Variants in ROBO2 observed in about 807,000 individuals in gnomAD.
The protein encoded by ROBO2 is roundabout homolog 2.
A neutral mutation model predicts 160.8 loss-of-function variants in ROBO2; 53 were observed. That is an observed-to-expected ratio of 0.33 (90% confidence interval 0.26 to 0.41). ROBO2 has a LOEUF of 0.41. Ranked by LOEUF, ROBO2 falls within the 10% of genes least tolerant of loss-of-function variation. The pLI is 1.00. For synonymous variants in ROBO2, 664 were observed against 611.7 expected (o/e 1.09, Z -1.26); for missense variants, 1,577 against 1,722.4 (o/e 0.92, Z 1.49).
intron 2 of ROBO2, among the ~76,000 whole-genome samples, chr3:76,281,880 A>T (rs1708251713): frequency 6.6e-6 from 1 of 151,922 alleles, no homozygotes; most frequent in Non-Finnish European, 1.5e-5. Flanking sequence ...TGACCCAAAG[A>T]TCCAAAGATA....
At chr3:76,251,910 A>G (rs6809170) in intron 2 of ROBO2, among the ~76,000 whole-genome samples, 140,330 of 152,106 alleles carry the variant, frequency 0.92, 64,896 homozygotes, top group Middle Eastern at 0.98. Context: ...TGAAATGGCT[A>G]TGAACATCAC....
chr3:76,996,953 T>C (rs1431337334), intron 2 of ROBO2, among the ~76,000 whole-genome samples: 1 of 152,164 alleles, frequency 6.6e-6, no homozygotes, highest in Non-Finnish European at 1.5e-5. Context: ...ATTACAGATC[T>C]GCTTATTGTC....
chr3:76,289,762 G>C (rs1276221360), intron 2 of ROBO2, among the ~76,000 whole-genome samples: 1 of 152,034 alleles, frequency 6.6e-6, no homozygotes, highest in Non-Finnish European at 1.5e-5. Context: ...TTTCCCCATT[G>C]GTTGTTATTA....
At chr3:77,404,265 A>G (rs1051955815) in intron 2 of ROBO2, among the ~76,000 whole-genome samples, 1 of 152,166 alleles carries the variant, frequency 6.6e-6, no homozygotes, top group African/African-American at 2.4e-5. Flanking sequence ...GTGTGTGTGT[A>G]TTTGTAGGAT....
chr3:76,835,133 C>T (rs927513368), intron 2 of ROBO2, among the ~76,000 whole-genome samples: 1 of 151,810 alleles, frequency 6.6e-6, no homozygotes, highest in African/African-American at 2.4e-5. Context: ...GTCACATTCC[C>T]TTGCTAGTAA....
At chr3:76,461,448 T>C (rs1011633331) in intron 2 of ROBO2, among the ~76,000 whole-genome samples, 2 of 152,160 alleles carry the variant, frequency 1.3e-5, no homozygotes, top group Admixed American at 1.3e-4. Context: ...AGGAAAATTA[T>C]GATGAAAATA....
At chr3:77,009,826 A>T (rs1200179431) in intron 2 of ROBO2, among the ~76,000 whole-genome samples, 2 of 151,576 alleles carry the variant, frequency 1.3e-5, no homozygotes, top group African/African-American at 2.4e-5. Flanking sequence ...GGTTCCTGTC[A>T]TCTCAGATAC....
intron 15 of ROBO2, 101 bp downstream of exon 16, chr3:77,577,715 T>C (rs1489875887): frequency 6.5e-6 from 9 of 1,389,342 alleles, no homozygotes; most frequent in Non-Finnish European, 9.1e-6. Flanking sequence ...TCTTATTCAG[T>C]TTAAGTGTAA....
At chr3:76,344,549 G>A (rs1051461268) in intron 2 of ROBO2, among the ~76,000 whole-genome samples, 3 of 152,126 alleles carry the variant, frequency 2.0e-5, no homozygotes, top group South Asian at 2.1e-4. Flanking sequence ...GGAGTTATTT[G>A]TAGTAGTCTA....
At chr3:76,770,295 C>T (rs1253066991) in intron 2 of ROBO2, among the ~76,000 whole-genome samples, 1 of 151,256 alleles carries the variant, frequency 6.6e-6, no homozygotes, top group Non-Finnish European at 1.5e-5. Context: ...CATAGTCTCT[C>T]CTCTCTCCTT....
At chr3:76,297,681 T>G (rs1709143940) in intron 2 of ROBO2, among the ~76,000 whole-genome samples, 1 of 116,390 alleles carries the variant, frequency 8.6e-6, no homozygotes, top group Non-Finnish European at 1.8e-5. Context: ...TCAAAGTACT[T>G]GGAGAAGAAG....
At chr3:76,642,375 C>T (rs1285259760) in intron 2 of ROBO2, among the ~76,000 whole-genome samples, 2 of 93,626 alleles carry the variant, frequency 2.1e-5, no homozygotes, top group East Asian at 3.5e-4. Context: ...TTTTTTGAGA[C>T]GGAGACTCGC....
At chr3:77,438,690 C>T (rs1161171115) in intron 2 of ROBO2, among the ~76,000 whole-genome samples, 3 of 151,752 alleles carry the variant, frequency 2.0e-5, no homozygotes, top group African/African-American at 4.8e-5. Context: ...AAATTGTAAC[C>T]ATTTAAAAAT....
intron 1 of ROBO2, among the ~76,000 whole-genome samples, chr3:75,918,912 G>A (rs1946917885): frequency 6.6e-6 from 1 of 152,112 alleles, no homozygotes; most frequent in Admixed American, 6.5e-5. Context: ...TGCCAAAGTT[G>A]TTTATCAGGT....
chr3:76,548,126 G>T (rs1397952410), intron 2 of ROBO2, among the ~76,000 whole-genome samples: 9 of 151,954 alleles, frequency 5.9e-5, no homozygotes, highest in African/African-American at 2.2e-4. Context: ...CATGATGTTT[G>T]GATATTCAGA....
chr3:76,340,162 CACTG>C (rs201193455), intron 2 of ROBO2, among the ~76,000 whole-genome samples: 2,588 of 150,948 alleles, frequency 0.017, 34 homozygotes, highest in Non-Finnish European at 0.027. Flanking sequence ...AATTGCACAA[CACTG>C]ACTGTGATTT....
chr3:76,448,799 C>A (rs926323080), intron 2 of ROBO2, among the ~76,000 whole-genome samples: 1 of 152,008 alleles, frequency 6.6e-6, no homozygotes, highest in Non-Finnish European at 1.5e-5. Context: ...CTAATTATCC[C>A]CCATTTTGCA....
chr3:76,012,773 A>G (rs1043557088), intron 2 of ROBO2, among the ~76,000 whole-genome samples: 2 of 152,118 alleles, frequency 1.3e-5, no homozygotes, highest in Admixed American at 6.6e-5. Context: ...ATGAGGTAAT[A>G]TGTATAAAGG....
At chr3:77,520,773 G>A (rs1320698256) in intron 5 of ROBO2, among the ~76,000 whole-genome samples, 1 of 151,320 alleles carries the variant, frequency 6.6e-6, no homozygotes, top group Admixed American at 6.6e-5. Context: ...AGCATGTCAT[G>A]CAGTTCATAG....
Sources: allele counts gnomAD v4.1 joint callset (sites outside exome capture counted in the v4.1 genomes callset), GRCh38; gene constraint gnomAD v4.1.1; transcripts MANE v1.5; gene names NCBI Gene and HGNC (gene_info 2026-07-23, HGNC 2026-07-21).